The following SCAF8 variants were observed in gnomAD, a reference collection of about 807,000 sequenced individuals.
SCAF8 encodes the protein SR-related and CTD-associated factor 8.
In SCAF8, 23 loss-of-function variants were observed where a neutral mutation model predicts 140.5. The observed-to-expected ratio is 0.16, with a 90% CI of 0.12 to 0.23. SCAF8 has a LOEUF of 0.23. SCAF8 is among the 10% of genes least tolerant of loss of function. The probability of loss-of-function intolerance (pLI) is 1.00; values close to 1 mark genes in which losing one functional copy is unlikely to be tolerated. For missense variants in SCAF8, 1,397 were observed against 1,555.7 expected, an observed-to-expected ratio of 0.90 and a Z score of 1.72; for synonymous variants, 575 against 528.9, an observed-to-expected ratio of 1.09 and a Z score of -1.20.
chr6:154,806,845 C>A (rs1162551734), intron 9 of SCAF8, among the ~76,000 whole-genome samples: 1 of 151,904 alleles, frequency 6.6e-6, no homozygotes, highest in East Asian at 1.9e-4. Context: ...TGCCTGAGAA[C>A]CCAGAAGTTG....
chr6:154,788,320 T>C (rs1344068011), intron 4 of SCAF8, among the ~76,000 whole-genome samples: 1 of 152,208 alleles, frequency 6.6e-6, no homozygotes, highest in South Asian at 2.1e-4. Flanking sequence ...TCTAGGTGTG[T>C]AGTAGGCTAT....
intron 3 of SCAF8, among the ~76,000 whole-genome samples, chr6:154,784,146 T>TAG (rs1777177255): frequency 1.4e-5 from 2 of 139,358 alleles, no homozygotes; most frequent in Admixed American, 1.5e-4. Flanking sequence ...TATATATATA[T>TAG]ATATATATAT....
rs1562434145 is a variant in SCAF8 at position 154,765,940 on chromosome 6, CAT to C, written c.31-8045_31-8044del. 2.0e-5 allele frequency among the ~76,000 whole-genome samples: 3 copies of C among 152,072 alleles called. No individual in the cohort carries two copies. In the East Asian group the frequency reaches 5.8e-4, roughly 29 times the overall value. On this transcript the variant is annotated intron_variant, in intron 1 of 19. Transcript: ENST00000367178. Reference sequence around the variant, plus strand: ...CGCCAACCCCCGTGTAGCTGAAAATCATATAACTTTTGACTCTTCCCCAACTA... The same window carrying C: ...CGCCAACCCCCGTGTAGCTGAAAATCATAACTTTTGACTCTTCCCCAACTA...
chr6:154,822,153 T>G, intron 15 of SCAF8, 123 bp from the exon 16 acceptor site: 2 of 979,536 alleles, frequency 2.0e-6, no homozygotes, highest in Non-Finnish European at 2.9e-6. Context: ...CCTACGGTTG[T>G]GGATATATCT....
intron 1 of SCAF8, among the ~76,000 whole-genome samples, chr6:154,759,927 C>T (rs564689880): frequency 6.6e-6 from 1 of 152,228 alleles, no homozygotes; most frequent in East Asian, 1.9e-4. Flanking sequence ...CCTCGGCCTC[C>T]CAAAGTGTTG....
Position 154,808,703 on chromosome 6 carries a change from A to G in SCAF8, c.1131A>G (p.Glu377=). The change falls in exon 11 of 20, where the codon GAA becomes GAG. Residue 377 remains glutamate (E), a synonymous_variant. Transcript: ENST00000367178. ...CTTTCAAGGATATGGATATAGATGA[A>G]GGGCAAGATGGAGTGGAAGAGGAGG... ...DIQQQDMDID[E]GQDGVEEEVF... 2 of 1,612,132 alleles carry G rather than the reference A, an allele frequency of 1.2e-6. No homozygotes were observed. The highest frequency in any genetic ancestry group is 1.7e-6 in the Non-Finnish European group (2 of 1,178,250).
chr6:154,807,300 A>G (rs1215342160), intron 9 of SCAF8, among the ~76,000 whole-genome samples: 2 of 152,244 alleles, frequency 1.3e-5, no homozygotes, highest in African/African-American at 4.8e-5. Flanking sequence ...CACAGCTTAG[A>G]ATAATAAGAT....
At chr6:154,779,009 GGTTTT>G (rs1377202282) in intron 3 of SCAF8, among the ~76,000 whole-genome samples, 10 of 151,934 alleles carry the variant, frequency 6.6e-5, no homozygotes, top group South Asian at 2.1e-4. Context: ...TTTAATGTCT[GGTTTT>G]GTTTTGTTTT....
At chr6:154,799,873 C>T (rs1235256512) in intron 6 of SCAF8, among the ~76,000 whole-genome samples, 3 of 151,034 alleles carry the variant, frequency 2.0e-5, no homozygotes, top group Non-Finnish European at 4.4e-5. Context: ...CAACCTTGGC[C>T]TCCCGGGTTC....
In SCAF8 at chr6:154,833,171, T is replaced by C. The variant is rs763860345; in HGVS notation, c.3592T>C (p.Tyr1198His). 6 of 1,614,080 alleles carry C rather than the reference T, an allele frequency of 3.7e-6. No homozygotes were observed. Among genetic ancestry groups the C allele is most frequent in the Non-Finnish European group, 5.1e-6 (6 of 1,180,014 alleles). Residue 1198 changes from tyrosine (Y) to histidine (H), a missense_variant, in exon 20 of 20, where the codon TAT becomes CAT. By Grantham distance (83) the Tyr-to-His change is moderately conservative. Coordinates refer to ENST00000367178, the MANE Select transcript of SCAF8 (RefSeq NM_014892.5). ...VPPPHARVFD[Y>H]FEGATSQRKG... ...CCCTCCTCATGCTCGGGTTTTTGAT[T>C]ATTTTGAAGGGGCCACTTCTCAACG...
chr6:154,828,016 A>G (rs144933935), intron 18 of SCAF8, among the ~76,000 whole-genome samples: 64 of 152,222 alleles, frequency 4.2e-4, no homozygotes, highest in African/African-American at 1.5e-3. Flanking sequence ...TATATTGACA[A>G]ATCATTATCA....
At chr6:154,780,317 TC>T (rs1453986000) in intron 3 of SCAF8, among the ~76,000 whole-genome samples, 5 of 152,086 alleles carry the variant, frequency 3.3e-5, no homozygotes, top group Non-Finnish European at 7.4e-5. Flanking sequence ...TCTTTTGAGA[TC>T]TAACCAAGTT....
intron 3 of SCAF8, among the ~76,000 whole-genome samples, chr6:154,781,122 A>C (rs113041073): frequency 2.6e-5 from 4 of 152,290 alleles, no homozygotes; most frequent in African/African-American, 9.6e-5. Flanking sequence ...TAAACTGATA[A>C]GCAACCTCAG....
At chr6:154,773,632 G>A (rs1776837194) in intron 1 of SCAF8, among the ~76,000 whole-genome samples, 1 of 152,218 alleles carries the variant, frequency 6.6e-6, no homozygotes, top group African/African-American at 2.4e-5. Flanking sequence ...ATACCTAGAA[G>A]TGGAATTGGC....
chr6:154,830,902 T>G lies in SCAF8; in HGVS notation c.2141-20T>G. 6.3e-7 allele frequency: 1 copy of G among 1,589,490 alleles called. No homozygotes were observed. Among genetic ancestry groups the G allele is most frequent in the Non-Finnish European group, 8.6e-7 (1 of 1,158,828 alleles). On this transcript the variant is annotated intron_variant, in intron 18 of 19. Transcript: ENST00000367178. ...ATTGACTCATTAAATCTGAAATATA[T>G]TTTTCTCCTCTTTAAACAGCTTTAG...
At chr6:154,781,623 G>A (rs937132351) in intron 3 of SCAF8, among the ~76,000 whole-genome samples, 1 of 152,076 alleles carries the variant, frequency 6.6e-6, no homozygotes, top group Non-Finnish European at 1.5e-5. Flanking sequence ...AGAGACATAT[G>A]GTTTCCTTAC....
intron 17 of SCAF8, chr6:154,825,013 GT>G (rs1033694458): frequency 6.6e-6 from 1 of 151,688 alleles, no homozygotes; most frequent in Non-Finnish European, 1.5e-5. Flanking sequence ...TTCCATTGCA[GT>G]TTTTATATGA....
In SCAF8 at chr6:154,824,375, C is replaced by T; in HGVS notation, c.2068C>T (p.Pro690Ser). 6.2e-7 allele frequency: 1 copy of T among 1,610,802 alleles called. No homozygotes were observed. The highest frequency in any genetic ancestry group is 1.7e-4 in the Middle Eastern group (1 of 6,054). Residue 690 changes from proline to serine, a missense_variant, in exon 17 of 20, where the codon CCT becomes TCT. Transcript: ENST00000367178. ...AAGTTTTAACCCTTCACAACCACCA[C>T]CTGGTAAGGAATTTTTGTTTTAATA... ...RASFNPSQPP[P>S]GFMPPPVPPP... is the part of the protein sequence containing the mutation.
chr6:154,744,069 T>G (rs1244579354), intron 1 of SCAF8, among the ~76,000 whole-genome samples: 2 of 152,130 alleles, frequency 1.3e-5, no homozygotes, highest in Non-Finnish European at 2.9e-5. Context: ...CCAAGGTGGG[T>G]GGATCACGAG....
Sources: allele counts gnomAD v4.1 joint callset (sites outside exome capture counted in the v4.1 genomes callset), GRCh38; gene constraint gnomAD v4.1.1; transcripts MANE v1.5; gene names NCBI Gene and HGNC (gene_info 2026-07-23, HGNC 2026-07-21).